Variants in RAP1B observed in about 807,000 individuals in gnomAD.
The protein encoded by RAP1B is ras-related protein Rap-1b.
A neutral mutation model predicts 27.5 loss-of-function variants in RAP1B; 1 was observed. The observed-to-expected ratio is 0.04, with a 90% CI of 0.01 to 0.17. RAP1B has a LOEUF of 0.17. Among genes scored for constraint, RAP1B ranks in the 10% least tolerant of loss-of-function variants. The pLI is 1.00. For missense variants in RAP1B, 84 were observed against 214.8 expected (o/e 0.39, Z 3.81); for synonymous variants, 75 against 73.1 (o/e 1.03, Z -0.13).
chr12:68,669,935 CTTTTTTTTT>C lies in RAP1B; in HGVS notation c.*10698_*10706del, dbSNP rs549794675. The C allele has an allele frequency of 9.5e-6, 1 of 105,384 alleles. No homozygotes were observed. Among genetic ancestry groups the C allele is most frequent in the South Asian group, 3.2e-4 (1 of 3,160 alleles). The allele number at this position is 105,384 out of a possible 1,614,324, so 6.5% of individuals were successfully genotyped here. ...GACAAAAATATATTTCTTTTTCTTTCTTTTTTTTTTTTTTTTTTTTGAGACAGTTTCCCT... is the reference window on the plus strand; with the variant it reads ...GACAAAAATATATTTCTTTTTCTTTCTTTTTTTTTTTGAGACAGTTTCCCT... On this transcript the variant is annotated 3_prime_UTR_variant, in exon 8 of 8. Coordinates refer to ENST00000250559, the MANE Select transcript of RAP1B (RefSeq NM_001010942.3).
chr12:68,645,386 A>G (rs1204409282), intron 1 of RAP1B, among the ~76,000 whole-genome samples: 8 of 152,266 alleles, frequency 5.3e-5, no homozygotes, highest in African/African-American at 1.9e-4. Context: ...AATTAGTCTC[A>G]ATGTCTCAAA....
chr12:68,622,303 C>G (rs1053052155), intron 1 of RAP1B, among the ~76,000 whole-genome samples: 6 of 152,124 alleles, frequency 3.9e-5, no homozygotes, highest in African/African-American at 1.4e-4. Context: ...TCATTTTTGT[C>G]CTTCCCCACA....
In RAP1B at chr12:68,663,914, C is replaced by G. The variant is rs1874735877; in HGVS notation, c.*4665C>G. 1.3e-5 allele frequency: 2 copies of G among 152,124 alleles called. No individual in the cohort carries two copies. Among genetic ancestry groups the G allele is most frequent in the South Asian group, 4.1e-4 (2 of 4,832 alleles). 9.4% of individuals were successfully genotyped at this position (152,124 alleles called of 1,614,324 possible). Reference sequence around the variant, plus strand: ...AACTTTCTAAGAGCTTTCCAACTTTCTAAGAGAAAATTGTAATGATTTTAG... The same window carrying G: ...AACTTTCTAAGAGCTTTCCAACTTTGTAAGAGAAAATTGTAATGATTTTAG... On this transcript the variant is annotated 3_prime_UTR_variant, in exon 8 of 8. Transcript: ENST00000250559.
At position 68,656,264 on chromosome 12, in the gene RAP1B, A is replaced by G. The variant is rs190062887; in HGVS notation, c.325-42A>G. 4.1e-3 allele frequency: 6,284 copies of G among 1,527,090 alleles called. 22 individuals carry two copies. Among genetic ancestry groups the G allele is most frequent in the Middle Eastern group, 6.8e-3 (40 of 5,860 alleles). The allele number at this position is 1,527,090 out of a possible 1,614,324, so 94.6% of individuals were successfully genotyped here. On this transcript the variant is annotated intron_variant, in intron 5 of 7. Coordinates refer to ENST00000250559, the MANE Select transcript of RAP1B (RefSeq NM_001010942.3). ...TTCTTTTGATTTGAATTCATATAGCATATTTACTTATTTATTTTTACTCTC... is the reference window on the plus strand; with the variant it reads ...TTCTTTTGATTTGAATTCATATAGCGTATTTACTTATTTATTTTTACTCTC...
chr12:68,659,261 A>T lies in RAP1B; in HGVS notation c.*31-19A>T, dbSNP rs759864094. On this transcript the variant is annotated intron_variant, in intron 7 of 7. Coordinates refer to ENST00000250559, the MANE Select transcript of RAP1B (RefSeq NM_001010942.3). ...TTTTTCTAGCCCATGTTTTTAATTA[A>T]TTTTTTTCCTTTTGACAGGTCTGAA... 8.5e-5 allele frequency: 39 copies of T among 456,550 alleles called. No homozygotes were observed. The highest frequency in any genetic ancestry group is 2.3e-4 in the South Asian group (15 of 64,460). 28.3% of individuals were successfully genotyped at this position (456,550 alleles called of 1,614,324 possible). A position where few individuals can be genotyped will look rare whatever the true frequency, so the allele number is the denominator to read the frequency against.
chr12:68,631,205 T>C (rs1314679746), intron 1 of RAP1B, among the ~76,000 whole-genome samples: 1 of 152,204 alleles, frequency 6.6e-6, no homozygotes, highest in Non-Finnish European at 1.5e-5. Context: ...AGCAGATACT[T>C]AATATCCATA....
chr12:68,631,333 T>TA (rs1190027775), intron 1 of RAP1B, among the ~76,000 whole-genome samples: 1 of 152,194 alleles, frequency 6.6e-6, no homozygotes, highest in Non-Finnish European at 1.5e-5. Context: ...GCCAAAAAAT[T>TA]ACCACATATT....
intron 4 of RAP1B, 152 bp downstream of exon 4, chr12:68,652,203 C>T (rs150148099): frequency 7.5e-4 from 414 of 553,266 alleles, no homozygotes; most frequent in Admixed American, 3.6e-3. Context: ...CCCAGCACTT[C>T]GGGAGGTCAA....
chr12:68,627,773 C>T (rs1871918470), intron 1 of RAP1B, among the ~76,000 whole-genome samples: 1 of 151,968 alleles, frequency 6.6e-6, no homozygotes, highest in African/African-American at 2.4e-5. Context: ...AAAAACAGAC[C>T]TAAGTTTTGG....
chr12:68,638,568 A>C (rs1455244757), intron 1 of RAP1B, among the ~76,000 whole-genome samples: 1 of 152,216 alleles, frequency 6.6e-6, no homozygotes. Flanking sequence ...TATAATATCA[A>C]ACAACCATTA....
chr12:68,652,157 T>G, intron 4 of RAP1B, 106 bp downstream of exon 4: 1 of 885,466 alleles, frequency 1.1e-6, no homozygotes, highest in Non-Finnish European at 1.7e-6. Context: ...TTAAAAGTAC[T>G]GCTTGCAGCC....
intron 1 of RAP1B, among the ~76,000 whole-genome samples, chr12:68,623,922 G>A (rs1312194187): frequency 6.6e-6 from 1 of 152,158 alleles, no homozygotes; most frequent in African/African-American, 2.4e-5. Flanking sequence ...TCAGGAGGCT[G>A]AGGCGGGAGA....
In RAP1B at chr12:68,666,229, G is replaced by A. The variant is rs1033921922; in HGVS notation, c.*6980G>A. The A allele has an allele frequency of 5.9e-5, 9 of 152,176 alleles. No homozygotes were observed. In the South Asian group the frequency reaches 6.2e-4, roughly 11 times the overall value. The allele number at this position is 152,176 out of a possible 1,614,324, so 9.4% of individuals were successfully genotyped here. On this transcript the variant is annotated 3_prime_UTR_variant, in exon 8 of 8. Transcript: ENST00000250559. The stretch of plus-strand genomic sequence containing the variant: ...TAAACTTTATTTTCTCTCAATTTTC[G>A]TAAGTGGTATTTTGGTGCTTTACCC...
chr12:68,633,434 C>T (rs979694259), intron 1 of RAP1B, among the ~76,000 whole-genome samples: 1 of 152,178 alleles, frequency 6.6e-6, no homozygotes, highest in Non-Finnish European at 1.5e-5. Flanking sequence ...ATTCTGTAGA[C>T]CCTGCTTCAT....
chr12:68,653,330 G>C (rs1219172554), intron 4 of RAP1B, among the ~76,000 whole-genome samples: 2 of 152,142 alleles, frequency 1.3e-5, no homozygotes, highest in South Asian at 2.1e-4. Context: ...TATTCATTCA[G>C]CTAATGTTTG....
intron 2 of RAP1B, 44 bp downstream of exon 2, chr12:68,648,825 T>A (rs1441420779): frequency 2.0e-6 from 3 of 1,530,534 alleles, no homozygotes; most frequent in Middle Eastern, 1.7e-4. Context: ...TCCAAGACGT[T>A]CTTTTTCTGT....
rs1363229740 is a variant in RAP1B at position 68,645,871 on chromosome 12, C to A, written c.-26-2828C>A. On this transcript the variant is annotated intron_variant, in intron 1 of 7. Coordinates refer to ENST00000250559, the MANE Select transcript of RAP1B (RefSeq NM_001010942.3). ...TTTGCTGTTTAAGGTAACAGAAATA[C>A]CCTGATAATATCCCCAAACTGGAAA... 2.0e-5 allele frequency among the ~76,000 whole-genome samples: 3 copies of A among 152,046 alleles called. No individual in the cohort carries two copies. The East Asian group carries it at 5.8e-4, about 29-fold the overall frequency.
Position 68,642,422 on chromosome 12 carries a change from A to T in RAP1B, c.-26-6277A>T, listed in dbSNP as rs1444579940. On this transcript the variant is annotated intron_variant, in intron 1 of 7. Coordinates refer to ENST00000250559, the MANE Select transcript of RAP1B (RefSeq NM_001010942.3). ...GATATTGGCTAATTTACTGTGCCTA[A>T]AATTATGGTGCTATTGGTCTACTGT... 3.3e-5 allele frequency: 19 copies of T among 583,466 alleles called. No homozygotes were observed. The East Asian group carries it at 5.7e-4, about 17-fold the overall frequency. The allele number at this position is 583,466 out of a possible 1,614,324, so 36.1% of individuals were successfully genotyped here. A position where few individuals can be genotyped will look rare whatever the true frequency, so the allele number is the denominator to read the frequency against.
chr12:68,624,038 AAG>A (rs538584118), intron 1 of RAP1B, among the ~76,000 whole-genome samples: 12 of 152,042 alleles, frequency 7.9e-5, no homozygotes, highest in African/African-American at 2.4e-4. Flanking sequence ...AAAAAAAAAA[AAG>A]AGAGAGAGAA....
Sources: gnomAD v4.1 joint callset for allele counts (sites outside exome capture counted in the v4.1 genomes callset) on GRCh38, gnomAD v4.1.1 for gene constraint, MANE v1.5 for transcripts, NCBI Gene and HGNC (gene_info 2026-07-23, HGNC 2026-07-21) for gene names.